LMNTD1: variants seen among roughly 807,000 people sequenced by gnomAD.
LMNTD1 encodes the protein lamin tail domain containing 1, also known as lamin tail domain-containing protein 1.
A neutral mutation model predicts 50.9 loss-of-function variants in LMNTD1; 35 were observed. The ratio of observed to expected loss-of-function variants is 0.69; its 90% confidence interval spans 0.53 to 0.91. The LOEUF (loss-of-function observed/expected upper bound fraction) is 0.91, where lower values mean the gene tolerates loss of function less well. LMNTD1 is among the 40% of genes least tolerant of loss of function. The pLI is 0.00. For synonymous variants in LMNTD1, 153 were observed against 161.9 expected (o/e 0.94, Z 0.42); for missense variants, 470 against 475.5 (o/e 0.99, Z 0.11).
intron 1 of LMNTD1, among the ~76,000 whole-genome samples, chr12:25,618,330 T>A (rs990765545): frequency 6.6e-6 from 1 of 152,186 alleles, no homozygotes; most frequent in African/African-American, 2.4e-5. Flanking sequence ...TCAATCTTCT[T>A]AGAATCATTC....
chr12:25,638,251 G>C (rs1592128814), intron 1 of LMNTD1, among the ~76,000 whole-genome samples: 2 of 152,166 alleles, frequency 1.3e-5, no homozygotes, highest in Non-Finnish European at 1.5e-5. Flanking sequence ...GTGAAAGACA[G>C]AATGTTTTCC....
At chr12:25,606,048 C>T (rs1946093022) in intron 1 of LMNTD1, among the ~76,000 whole-genome samples, 1 of 152,190 alleles carries the variant, frequency 6.6e-6, no homozygotes, top group African/African-American at 2.4e-5. Flanking sequence ...AGGTCCTTCA[C>T]ATCCCTTGTA....
At chr12:25,539,742 A>C (rs1942907503) in intron 4 of LMNTD1, among the ~76,000 whole-genome samples, 1 of 134,598 alleles carries the variant, frequency 7.4e-6, no homozygotes, top group African/African-American at 2.7e-5. Flanking sequence ...AACTGAAGGA[A>C]ATAGAGACAC....
At chr12:25,538,276 T>C (rs2136169247) in intron 4 of LMNTD1, among the ~76,000 whole-genome samples, 1 of 139,130 alleles carries the variant, frequency 7.2e-6, no homozygotes, top group East Asian at 2.1e-4. Context: ...AATCGTCAGA[T>C]TCACCAAAGT....
At chr12:25,625,391 G>T (rs11048131) in intron 1 of LMNTD1, among the ~76,000 whole-genome samples, 2,887 of 152,208 alleles carry the variant, frequency 0.019, 95 homozygotes, top group African/African-American at 0.066. Context: ...AACAGAACGA[G>T]CTCTGAAAGC....
At chr12:25,513,661 C>A (rs1481939470) in intron 8 of LMNTD1, among the ~76,000 whole-genome samples, 1 of 152,076 alleles carries the variant, frequency 6.6e-6, no homozygotes. Context: ...AACAAACAAG[C>A]AAACAAACCC....
Position 25,501,484 on chromosome 12 carries a change from TG to T in LMNTD1, c.*22+2253del, listed in dbSNP as rs1338531660. Among the ~76,000 whole-genome samples, 5 of 152,108 alleles carry T rather than the reference TG, an allele frequency of 3.3e-5. No homozygotes were observed. The East Asian group carries it at 7.7e-4, about 23-fold the overall frequency. On this transcript the variant is annotated intron_variant, in intron 9 of 9. Transcript: ENST00000458174. Reference sequence around the variant, plus strand: ...TTTCTTTCTTTCAGACAAATTTGAGTGGGGAAAAAAGACAAAGACAATCTTA... The same window carrying T: ...TTTCTTTCTTTCAGACAAATTTGAGTGGGAAAAAAGACAAAGACAATCTTA...
chr12:25,576,797 T>C (rs1378423629), intron 1 of LMNTD1, among the ~76,000 whole-genome samples: 1 of 152,156 alleles, frequency 6.6e-6, no homozygotes, highest in Non-Finnish European at 1.5e-5. Context: ...ATTGCCTAGG[T>C]TTTTTTCTAG....
At chr12:25,478,651 C>T (rs189533252) in intron 9 of LMNTD1, among the ~76,000 whole-genome samples, 43 of 152,116 alleles carry the variant, frequency 2.8e-4, no homozygotes, top group African/African-American at 7.5e-4. Context: ...CCGGTGTGTT[C>T]GTGGGTACCG....
At chr12:25,514,295 G>C (rs1170645616) in intron 8 of LMNTD1, among the ~76,000 whole-genome samples, 2 of 151,942 alleles carry the variant, frequency 1.3e-5, no homozygotes, top group East Asian at 1.9e-4. Context: ...TGAGACAAAT[G>C]GTTTTCCATA....
chr12:25,628,236 A>G (rs1325720718), intron 1 of LMNTD1, among the ~76,000 whole-genome samples: 1 of 151,894 alleles, frequency 6.6e-6, no homozygotes, highest in Non-Finnish European at 1.5e-5. Context: ...ATAAAAACCA[A>G]TCTGTGCCTC....
At chr12:25,479,715 A>G (rs1390678882) in intron 9 of LMNTD1, among the ~76,000 whole-genome samples, 1 of 152,238 alleles carries the variant, frequency 6.6e-6, no homozygotes, top group Non-Finnish European at 1.5e-5. Flanking sequence ...TGTTATGTGC[A>G]GGATAGGCAA....
intron 1 of LMNTD1, among the ~76,000 whole-genome samples, chr12:25,605,370 G>A (rs1207562881): frequency 6.6e-6 from 1 of 152,010 alleles, no homozygotes; most frequent in Non-Finnish European, 1.5e-5. Context: ...GTCAATTTTG[G>A]CTTTTGTTGC....
intron 1 of LMNTD1, among the ~76,000 whole-genome samples, chr12:25,607,025 A>G (rs557297416): frequency 2.0e-5 from 3 of 152,266 alleles, no homozygotes; most frequent in Admixed American, 2.0e-4. Flanking sequence ...TTATTGGTCT[A>G]TTCAGAGATT....
chr12:25,638,493 G>C (rs1585785), intron 1 of LMNTD1, among the ~76,000 whole-genome samples: 75,770 of 151,498 alleles, frequency 0.5, 20,832 homozygotes, highest in Non-Finnish European at 0.63. Flanking sequence ...AAAATGATAG[G>C]ATAAAAGATT....
chr12:25,522,638 G>T (rs7312490), intron 6 of LMNTD1, among the ~76,000 whole-genome samples: 79 of 152,198 alleles, frequency 5.2e-4, no homozygotes, highest in African/African-American at 1.8e-3. Context: ...GCCCTTCAAT[G>T]AGTTCCTATT....
In LMNTD1 at chr12:25,483,275, T is replaced by G. The variant is rs113500408; in HGVS notation, c.*23-6815A>C. ...CCCTGTCTCTAAAAAAATACAAAAA[T>G]TAGCCAGGCGTGGTTGTGCGCACCT... On this transcript the variant is annotated intron_variant, in intron 9 of 9. Coordinates refer to ENST00000458174, the MANE Select transcript of LMNTD1 (RefSeq NM_001145728.2). 5.3e-3 allele frequency among the ~76,000 whole-genome samples: 809 copies of G among 151,228 alleles called. 4 individuals carry two copies. The highest frequency in any genetic ancestry group is 8.5e-3 in the Non-Finnish European group (576 of 67,872).
At chr12:25,538,466 C>T (rs1176003449) in intron 4 of LMNTD1, among the ~76,000 whole-genome samples, 1 of 143,336 alleles carries the variant, frequency 7.0e-6, no homozygotes, top group Middle Eastern at 3.2e-3. Flanking sequence ...TCATATCCAG[C>T]CAAACTAAGC....
Position 25,552,921 on chromosome 12 carries a change from T to G in LMNTD1, c.39A>C (p.Ala13=). The change falls in exon 2 of 10, where the codon GCA becomes GCC. Residue 13 remains alanine (A), a synonymous_variant. Coordinates refer to ENST00000458174, the MANE Select transcript of LMNTD1 (RefSeq NM_001145728.2). The part of the protein sequence containing the change: ...DTQDIQEASK[A]MQNKVHEQED... ...CCTGCTCATGGACTTTATTCTGCATTGCCTTCGAAGCTTCCTGAATGTCTT... is the reference window on the plus strand; with the variant it reads ...CCTGCTCATGGACTTTATTCTGCATGGCCTTCGAAGCTTCCTGAATGTCTT... 1 of 1,557,664 alleles carries G rather than the reference T, an allele frequency of 6.4e-7. No individual in the cohort carries two copies.
Sources: allele counts gnomAD v4.1 joint callset (sites outside exome capture counted in the v4.1 genomes callset), GRCh38; gene constraint gnomAD v4.1.1; transcripts MANE v1.5; gene names NCBI Gene and HGNC (gene_info 2026-07-23, HGNC 2026-07-21).